Variants in HECTD4 observed in about 807,000 individuals in gnomAD.
HECTD4 encodes HECT domain E3 ubiquitin protein ligase 4, also known as probable E3 ubiquitin-protein ligase HECTD4.
Under a neutral mutation model 471.5 loss-of-function variants are expected in HECTD4, and 114 were observed. The ratio of observed to expected loss-of-function variants is 0.24; its 90% CI spans 0.21 to 0.28. HECTD4 has a LOEUF of 0.28. HECTD4 is among the 10% of genes least tolerant of loss of function. HECTD4 has a pLI of 1.00. For missense variants in HECTD4, 3,866 were observed against 5,651.5 expected, an observed-to-expected ratio of 0.68 and a Z score of 10.13; for synonymous variants, 2,012 against 2,256.0, an observed-to-expected ratio of 0.89 and a Z score of 3.07.
intron 70 of HECTD4, 57 bp from the exon 71 acceptor site, chr12:112,167,974 G>C (rs559275816): frequency 7.6e-7 from 1 of 1,319,878 alleles, no homozygotes; most frequent in African/African-American, 1.4e-5. Context: ...AGGCGACACC[G>C]TTCCCTCCCT....
intron 72 of HECTD4, among the ~76,000 whole-genome samples, chr12:112,164,930 CTT>C (rs763630508): frequency 1.3e-4 from 17 of 127,262 alleles, no homozygotes; most frequent in Non-Finnish European, 1.8e-4. Flanking sequence ...ACCGCTTTTT[CTT>C]TTTTTTTTTT....
intron 1 of HECTD4, among the ~76,000 whole-genome samples, chr12:112,377,296 A>T (rs2036800585): frequency 6.6e-6 from 1 of 151,560 alleles, no homozygotes; most frequent in Non-Finnish European, 1.5e-5. Context: ...AAAACAAAAA[A>T]ACGGAGCCCT....
At chr12:112,315,500 C>T (rs569683081) in intron 2 of HECTD4, among the ~76,000 whole-genome samples, 5 of 152,176 alleles carry the variant, frequency 3.3e-5, no homozygotes, top group South Asian at 2.1e-4. Flanking sequence ...AAGTTGGAAT[C>T]GGGACACATG....
intron 1 of HECTD4, among the ~76,000 whole-genome samples, chr12:112,368,665 T>C (rs927968592): frequency 6.6e-6 from 1 of 152,164 alleles, no homozygotes; most frequent in Non-Finnish European, 1.5e-5. Flanking sequence ...ATTTTATCTA[T>C]ATAAAAATAT....
intron 48 of HECTD4, among the ~76,000 whole-genome samples, chr12:112,215,514 G>A (rs1416059588): frequency 1.3e-5 from 2 of 152,184 alleles, no homozygotes; most frequent in African/African-American, 4.8e-5. Context: ...TTTACATGGA[G>A]ACTAAAAAGA....
chr12:112,367,208 A>G (rs1449974669), intron 1 of HECTD4, among the ~76,000 whole-genome samples: 2 of 151,500 alleles, frequency 1.3e-5, no homozygotes, highest in Admixed American at 6.6e-5. Flanking sequence ...AGGCTGAGGC[A>G]GAATCACTTG....
chr12:112,283,230 C>G lies in HECTD4; in HGVS notation c.1408G>C (p.Ala470Pro). ...AGAAGCATCTCATTAATGCTTTTGG[C>G]AGATTCGCCCTCTTTTCTCATTAGA... ...TILMRKEGES[A>P]KSINEMLLSR... Residue 470 changes from alanine to proline, a missense_variant, in exon 8 of 76, where the codon GCC (alanine) becomes CCC (proline). This residue lies in a region of HECTD4 where 440 missense variants were observed against 636.0 expected (regional missense o/e 0.69). Transcript: ENST00000682272. 6.2e-7 allele frequency: 1 copy of G among 1,613,606 alleles called. No individual in the cohort carries two copies. Among genetic ancestry groups the G allele is most frequent in the Non-Finnish European group, 8.5e-7 (1 of 1,179,670 alleles).
intron 64 of HECTD4, among the ~76,000 whole-genome samples, chr12:112,178,488 A>G (rs2031543105): frequency 6.6e-6 from 1 of 152,234 alleles, no homozygotes; most frequent in Non-Finnish European, 1.5e-5. Flanking sequence ...TGAAACTCTG[A>G]TGTTCACCTG....
intron 9 of HECTD4, among the ~76,000 whole-genome samples, chr12:112,276,492 G>A (rs1284748777): frequency 6.6e-6 from 1 of 152,182 alleles, no homozygotes. Context: ...TCTGTCGCCA[G>A]GCTGGAGTGC....
chr12:112,231,281 C>T, intron 39 of HECTD4: 1 of 565,808 alleles, frequency 1.8e-6, no homozygotes, highest in Non-Finnish European at 3.2e-6. Context: ...CTATAAATGT[C>T]CCCTCAGCCA....
intron 2 of HECTD4, among the ~76,000 whole-genome samples, chr12:112,317,751 G>A (rs942240927): frequency 1.3e-5 from 2 of 152,082 alleles, no homozygotes; most frequent in Admixed American, 6.5e-5. Context: ...GGCCAAGGCC[G>A]GCAGATTGCT....
rs116666068 is a variant in HECTD4 at position 112,179,406 on chromosome 12, T to C, written c.10988-9A>G. The C allele has an allele frequency of 1.4e-3, 2,194 of 1,603,652 alleles. 26 individuals carry two copies. The African/African-American group carries it at 0.023, about 17-fold the overall frequency. On this transcript the variant is annotated splice_polypyrimidine_tract_variant and intron_variant, in intron 62 of 75. Transcript: ENST00000682272. This position sits in a 1 kb window ranked among gnomAD's most constrained non-coding sequence, Gnocchi z 4.3. ...GGGCACCAGCTTCTCCCCTGTTGGATGGAGAGGGGGCAAAACAATTCTGCC... is the reference window on the plus strand; with the variant it reads ...GGGCACCAGCTTCTCCCCTGTTGGACGGAGAGGGGGCAAAACAATTCTGCC...
rs1056867619 is a variant in HECTD4 at position 112,320,471 on chromosome 12, G to A, written c.178-729C>T. On this transcript the variant is annotated intron_variant, in intron 1 of 75. Coordinates refer to ENST00000682272, the MANE Select transcript of HECTD4 (RefSeq NM_001388303.1). ...TCCCAGCACTTTGGAAGGCAGAGGC[G>A]GGCAGATCATGAAGTCAGGAGTTCG... Among the ~76,000 whole-genome samples, 5 of 152,034 alleles carry A rather than the reference G, an allele frequency of 3.3e-5. No homozygotes were observed. In the East Asian group the frequency reaches 9.7e-4, roughly 29 times the overall value.
chr12:112,269,593 A>G (rs1181415905), intron 13 of HECTD4, 111 bp downstream of exon 13: 67 of 1,170,690 alleles, frequency 5.7e-5, no homozygotes, highest in Non-Finnish European at 2.4e-6. Context: ...TGAGGTCCCA[A>G]TTGTGGGATG....
intron 48 of HECTD4, 68 bp from the exon 49 acceptor site, chr12:112,212,718 C>T (rs1019749817): frequency 1.6e-5 from 21 of 1,343,746 alleles, no homozygotes; most frequent in Admixed American, 4.7e-5. Context: ...AATTTGCAAC[C>T]GGAGTGTCAC....
intron 3 of HECTD4, 38 bp downstream of exon 3, chr12:112,314,419 G>A: frequency 9.4e-7 from 1 of 1,067,026 alleles, no homozygotes; most frequent in East Asian, 2.6e-5. Context: ...AATCTGCCTA[G>A]TTTGGAAGGA....
chr12:112,278,048 G>A (rs554397908), intron 9 of HECTD4, among the ~76,000 whole-genome samples: 8 of 152,082 alleles, frequency 5.3e-5, no homozygotes, highest in South Asian at 2.1e-4. Context: ...TGCTACTATC[G>A]AGTAAAACCA....
intron 21 of HECTD4, among the ~76,000 whole-genome samples, chr12:112,255,191 C>T (rs1364042669): frequency 6.6e-6 from 1 of 152,118 alleles, no homozygotes; most frequent in Non-Finnish European, 1.5e-5. Flanking sequence ...AAAACGACAC[C>T]AACTAAAATG....
chr12:112,317,950 C>T (rs2035512477), intron 2 of HECTD4, among the ~76,000 whole-genome samples: 1 of 126,586 alleles, frequency 7.9e-6, no homozygotes, highest in Admixed American at 8.7e-5. Flanking sequence ...GAGCAAGACC[C>T]CATCTCAAAA....
Sources: allele counts gnomAD v4.1 joint callset (sites outside exome capture counted in the v4.1 genomes callset), GRCh38; gene constraint gnomAD v4.1.1; regional missense constraint gnomAD v4.1.1; non-coding constraint Gnocchi (gnomAD v3.1); transcripts MANE v1.5; gene names NCBI Gene and HGNC (gene_info 2026-07-23, HGNC 2026-07-21).